GALNT10: variants seen among roughly 807,000 people sequenced by gnomAD.
GALNT10 encodes polypeptide N-acetylgalactosaminyltransferase 10.
GALNT10 carries 41 observed loss-of-function variants against 75.0 expected under a neutral mutation model. The observed-to-expected ratio is 0.55, with a 90% CI of 0.43 to 0.71. The LOEUF is 0.71. Ranked by LOEUF, GALNT10 falls within the 30% of genes least tolerant of loss-of-function variation. The pLI, the probability that GALNT10 is intolerant of heterozygous loss-of-function variation, is 0.00. For missense variants in GALNT10, 727 were observed against 818.5 expected (o/e 0.89, Z 1.36); for synonymous variants, 302 against 313.0 (o/e 0.96, Z 0.37).
intron 4 of GALNT10, among the ~76,000 whole-genome samples, chr5:154,372,253 T>C (rs1561674615): frequency 2.0e-5 from 3 of 152,138 alleles, no homozygotes. Context: ...TCATAGAGGT[T>C]TTGTGAATAT....
At chr5:154,230,273 A>G (rs78406341) in intron 1 of GALNT10, among the ~76,000 whole-genome samples, 49 of 152,308 alleles carry the variant, frequency 3.2e-4, no homozygotes, top group African/African-American at 1.1e-3. Context: ...TTGACTATCA[A>G]GTGCCTCTCT....
chr5:154,396,255 G>C (rs1346489996), intron 7 of GALNT10, among the ~76,000 whole-genome samples: 1 of 150,276 alleles, frequency 6.7e-6, no homozygotes, highest in Non-Finnish European at 1.5e-5. Context: ...TTTGTTTGGG[G>C]TTTCAACAGT....
At chr5:154,342,588 A>T (rs1487253623) in intron 4 of GALNT10, among the ~76,000 whole-genome samples, 2 of 152,228 alleles carry the variant, frequency 1.3e-5, no homozygotes, top group Admixed American at 6.5e-5. Context: ...CAGGCATGGC[A>T]GGTCACTAAG....
At chr5:154,212,967 C>CA (rs761996348) in intron 1 of GALNT10, among the ~76,000 whole-genome samples, 2,346 of 28,640 alleles carry the variant, frequency 0.082, 25 homozygotes, top group Middle Eastern at 0.15. Flanking sequence ...GATTCCATCT[C>CA]AAAAAAAAAA....
chr5:154,257,220 C>T (rs992251830), intron 1 of GALNT10, among the ~76,000 whole-genome samples: 1 of 152,166 alleles, frequency 6.6e-6, no homozygotes, highest in South Asian at 2.1e-4. Context: ...TTAGCAGTTC[C>T]CCAAAGCTAC....
chr5:154,217,112 T>A (rs368886505), intron 1 of GALNT10, among the ~76,000 whole-genome samples: 3 of 152,328 alleles, frequency 2.0e-5, no homozygotes, highest in African/African-American at 7.2e-5. Flanking sequence ...CCTTGGATGA[T>A]AAATTAGATC....
intron 4 of GALNT10, among the ~76,000 whole-genome samples, chr5:154,363,324 C>T (rs771849309): frequency 1.5e-4 from 22 of 150,834 alleles, no homozygotes; most frequent in Non-Finnish European, 2.8e-4. Context: ...TTTAGAATCA[C>T]AAAAAAATAG....
intron 1 of GALNT10, among the ~76,000 whole-genome samples, chr5:154,279,692 C>G (rs566156182): frequency 6.6e-6 from 1 of 152,002 alleles, no homozygotes; most frequent in Non-Finnish European, 1.5e-5. Flanking sequence ...GCAATCCTCC[C>G]ATCTCATCCT....
At chr5:154,212,284 T>C (rs983325465) in intron 1 of GALNT10, among the ~76,000 whole-genome samples, 3 of 152,198 alleles carry the variant, frequency 2.0e-5, no homozygotes, top group African/African-American at 4.8e-5. Flanking sequence ...TTCCCCTTGG[T>C]TCTTAACCCT....
At chr5:154,269,266 A>T (rs940222436) in intron 1 of GALNT10, among the ~76,000 whole-genome samples, 2 of 152,124 alleles carry the variant, frequency 1.3e-5, no homozygotes, top group Non-Finnish European at 2.9e-5. Flanking sequence ...TGCTGCTAAA[A>T]AGTATTAAGC....
intron 7 of GALNT10, among the ~76,000 whole-genome samples, chr5:154,398,755 A>C (rs1042154465): frequency 5.1e-4 from 78 of 152,312 alleles, no homozygotes; most frequent in East Asian, 1.9e-4. Flanking sequence ...AAATGAGAGA[A>C]TATGGTAGCG....
chr5:154,303,443 G>A (rs955181640), intron 3 of GALNT10, among the ~76,000 whole-genome samples: 19 of 152,170 alleles, frequency 1.2e-4, no homozygotes, highest in African/African-American at 3.4e-4. Flanking sequence ...ACACTCAGTG[G>A]ATTATTGATC....
rs116231638 is a variant in GALNT10, at chr5:154,378,179, A to C, written c.754+1717A>C. Among the ~76,000 whole-genome samples the C allele has an allele frequency of 6.9e-3, 1,046 of 152,356 alleles. 15 individuals carry two copies. Among genetic ancestry groups the C allele is most frequent in the African/African-American group, 0.024 (1,001 of 41,584 alleles). On this transcript the variant is annotated intron_variant, in intron 5 of 11. Coordinates refer to ENST00000297107, the MANE Select transcript of GALNT10 (RefSeq NM_198321.4). ...CTAATGTCAGCAGCTGACAGAGCGC[A>C]TCATGGCTTTTGTCTGTGAAACCAT...
chr5:154,354,020 C>G (rs1186151443), intron 4 of GALNT10, among the ~76,000 whole-genome samples: 1 of 152,142 alleles, frequency 6.6e-6, no homozygotes, highest in African/African-American at 2.4e-5. Context: ...TATGAGAGCA[C>G]CTTTGAGTAC....
At chr5:154,264,561 T>C (rs1243959840) in intron 1 of GALNT10, among the ~76,000 whole-genome samples, 3 of 152,162 alleles carry the variant, frequency 2.0e-5, no homozygotes, top group African/African-American at 7.2e-5. Flanking sequence ...CGGTAAAATA[T>C]TAACAATCGG....
chr5:154,403,894 G>A (rs1042124948), intron 7 of GALNT10: 1 of 635,922 alleles, frequency 1.6e-6, no homozygotes. Flanking sequence ...TTAGCATAGT[G>A]TGTGGCAATG....
chr5:154,327,731 T>C (rs1164656880), intron 3 of GALNT10, among the ~76,000 whole-genome samples: 1 of 152,218 alleles, frequency 6.6e-6, no homozygotes, highest in Non-Finnish European at 1.5e-5. Flanking sequence ...GTTTTCTCTA[T>C]AGAAGAATTT....
chr5:154,383,857 A>G (rs957582146), intron 6 of GALNT10, among the ~76,000 whole-genome samples: 2 of 152,336 alleles, frequency 1.3e-5, no homozygotes, highest in African/African-American at 2.4e-5. Flanking sequence ...TTCTAGCTGT[A>G]TTAATCCATT....
intron 1 of GALNT10, among the ~76,000 whole-genome samples, chr5:154,260,486 A>G (rs2434529): frequency 0.24 from 37,201 of 152,102 alleles, 5,534 homozygotes; most frequent in African/African-American, 0.42. Context: ...AGCCTTTGTT[A>G]CTTAATTAGT....
Sources: gnomAD v4.1 joint callset for allele counts (sites outside exome capture counted in the v4.1 genomes callset) on GRCh38, gnomAD v4.1.1 for gene constraint, MANE v1.5 for transcripts, NCBI Gene and HGNC (gene_info 2026-07-23, HGNC 2026-07-21) for gene names.